The following CCBE1 variants were observed in gnomAD, a reference collection of about 807,000 sequenced individuals.
CCBE1 encodes collagen and calcium binding EGF domains 1.
CCBE1 carries 37 observed loss-of-function variants against 50.0 expected under a neutral mutation model. The observed-to-expected ratio is 0.74, with a 90% CI of 0.57 to 0.97. The LOEUF (loss-of-function observed/expected upper bound fraction) is 0.97, where lower values mean the gene tolerates loss of function less well. CCBE1 is among the 50% of genes least tolerant of loss of function. The pLI is 0.00. For synonymous variants in CCBE1, 234 were observed against 203.7 expected (o/e 1.15, Z -1.27); for missense variants, 538 against 523.8 (o/e 1.03, Z -0.26).
intron 2 of CCBE1, among the ~76,000 whole-genome samples, chr18:59,569,151 G>A (rs766917094): frequency 2.8e-4 from 42 of 152,182 alleles, no homozygotes; most frequent in Middle Eastern, 3.2e-3. Flanking sequence ...CAGCAAGTCT[G>A]GCTCTCCCTC....
intron 5 of CCBE1, among the ~76,000 whole-genome samples, chr18:59,466,309 GGT>G: frequency 6.6e-6 from 1 of 151,976 alleles, no homozygotes. Flanking sequence ...GAGATCTGAT[GGT>G]TTATCAATAC....
chr18:59,543,137 T>C (rs1003595417), intron 2 of CCBE1, among the ~76,000 whole-genome samples: 1 of 152,180 alleles, frequency 6.6e-6, no homozygotes, highest in Non-Finnish European at 1.5e-5. Flanking sequence ...CACAAAAAGT[T>C]ACCTGGGGAA....
intron 2 of CCBE1, among the ~76,000 whole-genome samples, chr18:59,601,027 T>G (rs912959105): frequency 2.8e-4 from 24 of 87,152 alleles, no homozygotes; most frequent in African/African-American, 1.6e-3. Context: ...TTTTTTTTTT[T>G]TTTTTTTTTT....
At chr18:59,536,048 C>A (rs1478610908) in intron 2 of CCBE1, among the ~76,000 whole-genome samples, 1 of 152,136 alleles carries the variant, frequency 6.6e-6, no homozygotes, top group Non-Finnish European at 1.5e-5. Context: ...TGTAATGTTT[C>A]ATTTTCTTTT....
chr18:59,447,630 A>AG (rs1329408468), intron 7 of CCBE1, among the ~76,000 whole-genome samples: 7 of 152,114 alleles, frequency 4.6e-5, no homozygotes, highest in African/African-American at 2.4e-5. Context: ...AGCCCCAAGC[A>AG]GGGGGGGTTC....
chr18:59,446,348 G>T (rs1910669041), intron 7 of CCBE1, among the ~76,000 whole-genome samples: 1 of 152,210 alleles, frequency 6.6e-6, no homozygotes, highest in South Asian at 2.1e-4. Context: ...CAAAGCAAGA[G>T]CATTCTCTTA....
At chr18:59,632,020 G>T (rs945417110) in intron 2 of CCBE1, among the ~76,000 whole-genome samples, 10 of 152,178 alleles carry the variant, frequency 6.6e-5, no homozygotes, top group African/African-American at 2.4e-4. Context: ...TTAAAATATT[G>T]CTGAGAAGCC....
intron 2 of CCBE1, among the ~76,000 whole-genome samples, chr18:59,607,874 G>A (rs1292236617): frequency 6.6e-6 from 1 of 152,164 alleles, no homozygotes; most frequent in African/African-American, 2.4e-5. Context: ...CAGGAGTCAC[G>A]TGAGGTCAAG....
At chr18:59,603,145 G>A (rs933449033) in intron 2 of CCBE1, among the ~76,000 whole-genome samples, 4 of 152,248 alleles carry the variant, frequency 2.6e-5, no homozygotes, top group East Asian at 1.9e-4. Flanking sequence ...GTGTGTATCC[G>A]CCATAGCCAA....
At chr18:59,675,452 T>A (rs1652063) in intron 2 of CCBE1, among the ~76,000 whole-genome samples, 2 of 152,184 alleles carry the variant, frequency 1.3e-5, no homozygotes, top group Non-Finnish European at 2.9e-5. Context: ...CCCCCACACA[T>A]GGGACTACTG....
At chr18:59,697,604 C>T (rs982023021), upstream of CCBE1, 4 of 489,510 alleles carry the variant, frequency 8.2e-6, no homozygotes, top group African/African-American at 6.0e-5. Flanking sequence ...CGCGAGGGCC[C>T]TGAGGTTCAA....
intron 2 of CCBE1, among the ~76,000 whole-genome samples, chr18:59,620,571 T>G (rs1341694678): frequency 2.0e-5 from 3 of 152,124 alleles, no homozygotes; most frequent in African/African-American, 7.2e-5. Flanking sequence ...CTCCCACAAT[T>G]CCCATGTGTT....
rs886054069 is a variant in CCBE1 at position 59,435,169 on chromosome 18, T to G, written c.*739A>C. On this transcript the variant is annotated 3_prime_UTR_variant, in exon 11 of 11. Coordinates refer to ENST00000439986, the MANE Select transcript of CCBE1 (RefSeq NM_133459.4). ...GTTTTTTTGAAAAGAGAGTTTAATC[T>G]TCTTCCCTAAATAGGATACTTACAG... The G allele has an allele frequency of 1.3e-5, 2 of 152,258 alleles. No homozygotes were observed. The highest frequency in any genetic ancestry group is 2.9e-5 in the Non-Finnish European group (2 of 68,054). 9.4% of individuals were successfully genotyped at this position (152,258 alleles called of 1,614,324 possible).
intron 2 of CCBE1, among the ~76,000 whole-genome samples, chr18:59,694,000 TAG>T (rs1218539816): frequency 1.4e-5 from 2 of 148,034 alleles, no homozygotes; most frequent in Non-Finnish European, 3.0e-5. Context: ...GCCTCCCAAG[TAG>T]ATGGTACTAC....
intron 2 of CCBE1, among the ~76,000 whole-genome samples, chr18:59,560,581 C>T (rs182128264): frequency 4.6e-5 from 7 of 152,242 alleles, no homozygotes; most frequent in South Asian, 4.1e-4. Flanking sequence ...CAAACCTGCA[C>T]GTTCTGCACA....
chr18:59,694,058 G>A (rs1164996278), intron 2 of CCBE1, among the ~76,000 whole-genome samples: 2 of 151,872 alleles, frequency 1.3e-5, no homozygotes, highest in African/African-American at 4.8e-5. Flanking sequence ...TTTTAGTAGA[G>A]ACGGGGTTTT....
chr18:59,486,891 A>C (rs1912847493), intron 2 of CCBE1, among the ~76,000 whole-genome samples: 1 of 152,028 alleles, frequency 6.6e-6, no homozygotes, highest in South Asian at 2.1e-4. Flanking sequence ...TTATTTATTT[A>C]CGTGTAAGCT....
At chr18:59,551,015 A>AAAAAAAAAAAAAAAG (rs1473302647) in intron 2 of CCBE1, among the ~76,000 whole-genome samples, 2 of 122,606 alleles carry the variant, frequency 1.6e-5, no homozygotes, top group East Asian at 2.6e-4. Flanking sequence ...AAAAAAAAAA[A>AAAAAAAAAAAAAAAG]AAAAAAAAAA....
chr18:59,583,449 G>C (rs2053116835), intron 2 of CCBE1, among the ~76,000 whole-genome samples: 1 of 152,168 alleles, frequency 6.6e-6, no homozygotes, highest in African/African-American at 2.4e-5. Context: ...GGTAGGAGGA[G>C]GTAGAGGGCA....
Sources: gnomAD v4.1 joint callset for allele counts (sites outside exome capture counted in the v4.1 genomes callset) on GRCh38, gnomAD v4.1.1 for gene constraint, MANE v1.5 for transcripts, NCBI Gene and HGNC (gene_info 2026-07-23, HGNC 2026-07-21) for gene names.